Variants in TXNDC9 observed in about 807,000 individuals in gnomAD.
The protein encoded by TXNDC9 is thioredoxin domain containing 9.
A neutral mutation model predicts 23.0 loss-of-function variants in TXNDC9; 7 were observed. The ratio of observed to expected loss-of-function variants is 0.30; its 90% CI spans 0.17 to 0.57. TXNDC9 has a LOEUF of 0.57. TXNDC9 is among the 20% of genes least tolerant of loss of function. The probability of loss-of-function intolerance (pLI) is 0.90; values close to 1 mark genes in which losing one functional copy is unlikely to be tolerated. For missense variants in TXNDC9, 198 were observed against 252.6 expected (o/e 0.78, Z 1.47); for synonymous variants, 72 against 90.6 (o/e 0.79, Z 1.17).
chr2:99,326,010 CAAAAACAAAA>C (rs2094212140), intron 3 of TXNDC9, among the ~76,000 whole-genome samples: 1 of 141,642 alleles, frequency 7.1e-6, no homozygotes, highest in African/African-American at 2.6e-5. Flanking sequence ...GACTCTGTCT[CAAAAACAAAA>C]AAAAACAACA....
At chr2:99,330,290 C>CAAGAAAAAA (rs2094221726) in intron 2 of TXNDC9, among the ~76,000 whole-genome samples, 1 of 28,160 alleles carries the variant, frequency 3.6e-5, no homozygotes, top group Non-Finnish European at 6.0e-5. Flanking sequence ...ACTCTTATCT[C>CAAGAAAAAA]AAAAAAAAAA....
chr2:99,322,211 T>C lies in TXNDC9; in HGVS notation c.309-2A>G. On this transcript the variant is annotated splice_acceptor_variant, in intron 3 of 4. Coordinates refer to ENST00000264255, the MANE Select transcript of TXNDC9 (RefSeq NM_005783.4). LOFTEE classifies it high-confidence loss of function. ...AGATGTCTGTCTAGTATTTTACACC[T>C]GTAAGTGACCACACATAGAAAATTA... is the stretch of plus-strand genomic sequence containing the variant. The C allele has an allele frequency of 6.2e-7, 1 of 1,607,600 alleles. No individual in the cohort carries two copies. Among genetic ancestry groups the C allele is most frequent in the Non-Finnish European group, 8.5e-7 (1 of 1,175,806 alleles).
At chr2:99,332,956 A>G in intron 2 of TXNDC9, 66 bp downstream of exon 2, 5 of 1,241,914 alleles carry the variant, frequency 4.0e-6, no homozygotes, top group South Asian at 1.3e-5. Flanking sequence ...ACTACAGCAC[A>G]TGTATATATA....
chr2:99,324,100 C>A (rs2094208427), intron 3 of TXNDC9, among the ~76,000 whole-genome samples: 1 of 152,200 alleles, frequency 6.6e-6, no homozygotes, highest in South Asian at 2.1e-4. Flanking sequence ...CCTGCCTCAG[C>A]CTCCCAAAGT....
the TXNDC9 span, among the ~76,000 whole-genome samples, chr2:99,310,646 C>G: frequency 6.6e-6 from 1 of 152,086 alleles, no homozygotes; most frequent in African/African-American, 2.4e-5. Context: ...CCTGAATTAT[C>G]AAGGTGGGCC....
At chr2:99,316,607 A>G (rs999396280), downstream of TXNDC9, among the ~76,000 whole-genome samples, 38 of 151,964 alleles carry the variant, frequency 2.5e-4, no homozygotes, top group African/African-American at 9.2e-4. Flanking sequence ...TTTTCATCAA[A>G]TATTTGATTT....
chr2:99,309,409 T>C, the TXNDC9 span, among the ~76,000 whole-genome samples: 1 of 151,148 alleles, frequency 6.6e-6, no homozygotes, highest in Admixed American at 6.6e-5. Flanking sequence ...AATTAAAGAG[T>C]AATCTAATGA....
At chr2:99,318,173 G>A (rs1026215772), downstream of TXNDC9, among the ~76,000 whole-genome samples, 14 of 152,196 alleles carry the variant, frequency 9.2e-5, no homozygotes, top group Non-Finnish European at 1.2e-4. Flanking sequence ...TTACAGGTGT[G>A]AGCCACCGTG....
intron 1 of TXNDC9, among the ~76,000 whole-genome samples, chr2:99,334,347 C>A (rs951627655): frequency 1.3e-5 from 2 of 152,116 alleles, no homozygotes; most frequent in African/African-American, 2.4e-5. Context: ...AGAGCCAGAC[C>A]CTGTCTCAAA....
intron 3 of TXNDC9, among the ~76,000 whole-genome samples, chr2:99,325,513 C>G (rs950465447): frequency 1.3e-5 from 2 of 152,178 alleles, no homozygotes; most frequent in Admixed American, 6.5e-5. Context: ...ATAAAGTTCA[C>G]TGGATGATTT....
At chr2:99,314,369 C>T (rs1428913082), downstream of TXNDC9, among the ~76,000 whole-genome samples, 1 of 151,964 alleles carries the variant, frequency 6.6e-6, no homozygotes, top group Non-Finnish European at 1.5e-5. Flanking sequence ...TTTGTCTGTA[C>T]CTATTAGGTG....
Position 99,322,673 on chromosome 2 carries a change from G to A in TXNDC9, c.309-464C>T. On this transcript the variant is annotated intron_variant, in intron 3 of 4. Transcript: ENST00000264255. ...AAATATGCAACGCTGTCAGTAAGAAGCACATTAAGGCTAAGGGTTACTAAT... is the reference window on the plus strand; with the variant it reads ...AAATATGCAACGCTGTCAGTAAGAAACACATTAAGGCTAAGGGTTACTAAT... The A allele has an allele frequency of 5.9e-6, 9 of 1,531,686 alleles. No homozygotes were observed. In the South Asian group the frequency reaches 1.0e-4, roughly 17 times the overall value. The allele number at this position is 1,531,686 out of a possible 1,614,324, so 94.9% of individuals were successfully genotyped here.
At chr2:99,331,262 C>T (rs1017858339) in intron 2 of TXNDC9, among the ~76,000 whole-genome samples, 12 of 152,048 alleles carry the variant, frequency 7.9e-5, no homozygotes, top group Non-Finnish European at 1.5e-4. Flanking sequence ...TACTAATTAT[C>T]AGCCCTATAC....
At chr2:99,334,914 C>A (rs1290114206) in intron 1 of TXNDC9, among the ~76,000 whole-genome samples, 1 of 152,170 alleles carries the variant, frequency 6.6e-6, no homozygotes, top group Non-Finnish European at 1.5e-5. Context: ...CGGGGTTTCA[C>A]CGTGTTAGCC....
downstream of TXNDC9, among the ~76,000 whole-genome samples, chr2:99,315,236 TTTTTA>T (rs2094186439): frequency 6.6e-6 from 1 of 151,884 alleles, no homozygotes; most frequent in Admixed American, 6.6e-5. Flanking sequence ...CTAATTTTTT[TTTTTA>T]TTTTTAGTAG....
At chr2:99,327,863 C>A (rs1185108947) in intron 2 of TXNDC9, among the ~76,000 whole-genome samples, 1 of 150,906 alleles carries the variant, frequency 6.6e-6, no homozygotes, top group African/African-American at 2.4e-5. Flanking sequence ...TGGCTCACTG[C>A]AACCTCCGCC....
intron 2 of TXNDC9, among the ~76,000 whole-genome samples, chr2:99,330,194 G>A (rs2094221412): frequency 6.9e-6 from 1 of 144,792 alleles, no homozygotes; most frequent in Admixed American, 7.2e-5. Flanking sequence ...GGAGGCTGAG[G>A]CAGAAGAATT....
Position 99,327,610 on chromosome 2 carries a change from C to T in TXNDC9, c.233G>A (p.Ser78Asn), listed in dbSNP as rs775464247. 2 of 1,613,854 alleles carry T rather than the reference C, an allele frequency of 1.2e-6. No homozygotes were observed. The highest frequency in any genetic ancestry group is 1.7e-5 in the Admixed American group (1 of 60,000). ...GACTTCTTGAAAAAAGTCTCTTTCACTAGGGATTTCTCTGTATTCCCCATG... is the reference window on the plus strand; with the variant it reads ...GACTTCTTGAAAAAAGTCTCTTTCATTAGGGATTTCTCTGTATTCCCCATG... ...KGHGEYREIP[S>N]ERDFFQEVKE... The change falls in exon 3 of 5, where the codon AGT (serine) becomes AAT (asparagine). Residue 78 changes from serine (S) to asparagine (N), a missense_variant. Coordinates refer to ENST00000264255, the MANE Select transcript of TXNDC9 (RefSeq NM_005783.4).
downstream of TXNDC9, among the ~76,000 whole-genome samples, chr2:99,314,529 C>CTTTTTTTTT (rs55729391): frequency 0.022 from 2,134 of 97,348 alleles, 193 homozygotes; most frequent in African/African-American, 0.034. Flanking sequence ...AATACTACAC[C>CTTTTTTTTT]TTTTTTTTTT....
Sources: gnomAD v4.1 joint callset for allele counts (sites outside exome capture counted in the v4.1 genomes callset) on GRCh38, gnomAD v4.1.1 for gene constraint, MANE v1.5 for transcripts, NCBI Gene and HGNC (gene_info 2026-07-23, HGNC 2026-07-21) for gene names.